Variants in NEMP2 observed in about 807,000 individuals in gnomAD.
NEMP2 encodes the protein UPF0571 transmembrane protein.
Under a neutral mutation model 54.2 loss-of-function variants are expected in NEMP2, and 53 were observed. The observed-to-expected ratio is 0.98, with a 90% CI of 0.78 to 1.23. The LOEUF is 1.23. NEMP2 is among the 50% of genes most tolerant of loss of function. NEMP2 has a pLI of 0.00. For synonymous variants in NEMP2, 197 were observed against 190.3 expected, an observed-to-expected ratio of 1.04 and a Z score of -0.29; for missense variants, 455 against 511.3, an observed-to-expected ratio of 0.89 and a Z score of 1.06.
chr2:190,476,984 C>T, the NEMP2 span, among the ~76,000 whole-genome samples: 1 of 139,218 alleles, frequency 7.2e-6, no homozygotes, highest in Non-Finnish European at 1.5e-5. Flanking sequence ...TGTTCTCACT[C>T]ATAGGTGGGA....
At chr2:190,455,610 T>G in the NEMP2 span, among the ~76,000 whole-genome samples, 2 of 152,164 alleles carry the variant, frequency 1.3e-5, no homozygotes, top group South Asian at 4.1e-4. Context: ...ATCCTTCCTG[T>G]TTCAGAAGAT....
the NEMP2 span, among the ~76,000 whole-genome samples, chr2:190,581,373 G>A: frequency 2.0e-5 from 3 of 152,090 alleles, no homozygotes; most frequent in East Asian, 5.8e-4. Flanking sequence ...TTCTTAAAAA[G>A]TAACTAAAAC....
chr2:190,438,926 G>A, the NEMP2 span, among the ~76,000 whole-genome samples: 3 of 152,026 alleles, frequency 2.0e-5, no homozygotes, highest in South Asian at 6.2e-4. This position sits in a 1 kb window ranked among gnomAD's most constrained non-coding sequence, Gnocchi z 5.2. Flanking sequence ...TTCGGGAGGT[G>A]GTGTTCTGTT....
the NEMP2 span, among the ~76,000 whole-genome samples, chr2:190,567,483 G>C: frequency 6.6e-5 from 10 of 152,222 alleles, no homozygotes; most frequent in African/African-American, 2.4e-4. The surrounding 1 kb of genome is among the most constrained non-coding windows in gnomAD (Gnocchi z 4.0). Flanking sequence ...AGATGTGTCA[G>C]ACCATTGGGA....
chr2:190,558,708 C>G, the NEMP2 span, among the ~76,000 whole-genome samples: 1 of 152,104 alleles, frequency 6.6e-6, no homozygotes, highest in African/African-American at 2.4e-5. The surrounding 1 kb of genome is among the most constrained non-coding windows in gnomAD (Gnocchi z 4.4). Flanking sequence ...TTTGAAGATT[C>G]TGCTAAACAT....
the NEMP2 span, among the ~76,000 whole-genome samples, chr2:190,558,600 A>G: frequency 6.6e-6 from 1 of 152,262 alleles, no homozygotes; most frequent in African/African-American, 2.4e-5. The surrounding 1 kb of genome is among the most constrained non-coding windows in gnomAD (Gnocchi z 4.4). Context: ...AGGTTTATCC[A>G]GTGGCTCTTA....
the NEMP2 span, among the ~76,000 whole-genome samples, chr2:190,618,084 A>G: frequency 6.6e-6 from 1 of 152,230 alleles, no homozygotes; most frequent in Non-Finnish European, 1.5e-5. Context: ...AACGTATTCT[A>G]TCTCATTACA....
the NEMP2 span, chr2:190,469,719 C>A: frequency 1.7e-6 from 2 of 1,178,888 alleles, no homozygotes; most frequent in African/African-American, 1.7e-5. The surrounding 1 kb of genome is among the most constrained non-coding windows in gnomAD (Gnocchi z 5.3). Context: ...TTTTCCTTTG[C>A]TTTTTTTTAT....
the NEMP2 span, among the ~76,000 whole-genome samples, chr2:190,467,802 T>C: frequency 3.3e-5 from 5 of 152,168 alleles, no homozygotes. This position sits in a 1 kb window ranked among gnomAD's most constrained non-coding sequence, Gnocchi z 5.5. Context: ...TTTTATGAAG[T>C]TTGCATTTCA....
the NEMP2 span, among the ~76,000 whole-genome samples, chr2:190,542,357 G>C: frequency 6.6e-6 from 1 of 152,064 alleles, no homozygotes; most frequent in African/African-American, 2.4e-5. The surrounding 1 kb of genome is among the most constrained non-coding windows in gnomAD (Gnocchi z 4.6). Flanking sequence ...GACTACAGGA[G>C]TGCACCACCA....
the NEMP2 span, among the ~76,000 whole-genome samples, chr2:190,559,649 G>T: frequency 2.0e-5 from 3 of 152,234 alleles, no homozygotes; most frequent in African/African-American, 7.2e-5. The surrounding 1 kb of genome is among the most constrained non-coding windows in gnomAD (Gnocchi z 4.0). Flanking sequence ...GGAAGGTCTG[G>T]TAAGACAAGG....
chr2:190,633,377 G>A, the NEMP2 span, among the ~76,000 whole-genome samples: 6 of 149,688 alleles, frequency 4.0e-5, no homozygotes, highest in South Asian at 2.1e-4. Flanking sequence ...GCAATGGCGC[G>A]ATCTTGGCTC....
Position 190,514,891 on chromosome 2 carries a change from C to T in NEMP2, c.728-213G>A, listed in dbSNP as rs1690498560. 6.6e-6 allele frequency among the ~76,000 whole-genome samples: 1 copy of T among 151,002 alleles called. No homozygotes were observed. The highest frequency in any genetic ancestry group is 1.5e-5 in the Non-Finnish European group (1 of 68,032). On this transcript the variant is annotated intron_variant, in intron 6 of 8. Coordinates refer to ENST00000409150, the MANE Select transcript of NEMP2 (RefSeq NM_001142645.2). This position sits in a 1 kb window ranked among gnomAD's most constrained non-coding sequence, Gnocchi z 5.7. ...CTTTCGCAATAATTTGGGATGTACA[C>T]TCATTATTATGATGATACATAAGTA...
At chr2:190,445,226 A>G in the NEMP2 span, among the ~76,000 whole-genome samples, 2 of 152,184 alleles carry the variant, frequency 1.3e-5, no homozygotes, top group Non-Finnish European at 2.9e-5. Flanking sequence ...GATGCAAAGC[A>G]CTCAGAATGG....
chr2:190,528,381 C>T lies in NEMP2; in HGVS notation c.98-3003G>A, dbSNP rs905132301. 6.6e-6 allele frequency among the ~76,000 whole-genome samples: 1 copy of T among 152,176 alleles called. No homozygotes were observed. Among genetic ancestry groups the T allele is most frequent in the Non-Finnish European group, 1.5e-5 (1 of 68,026 alleles). On this transcript the variant is annotated intron_variant, in intron 1 of 8. Transcript: ENST00000409150. The surrounding 1 kb of genome is among the most constrained non-coding windows in gnomAD (Gnocchi z 4.3). ...CACCTTGTCATGTTCTGCCTTTGCA[C>T]AGCCTCCTCGGGGGGGTCTCTAAGC...
chr2:190,531,765 T>G lies in NEMP2; in HGVS notation c.97+2794A>C, dbSNP rs1383937831. 6.6e-6 allele frequency among the ~76,000 whole-genome samples: 1 copy of G among 152,162 alleles called. No individual in the cohort carries two copies. The highest frequency in any genetic ancestry group is 1.5e-5 in the Non-Finnish European group (1 of 68,030). On this transcript the variant is annotated intron_variant, in intron 1 of 8. Coordinates refer to ENST00000409150, the MANE Select transcript of NEMP2 (RefSeq NM_001142645.2). The surrounding 1 kb of genome is among the most constrained non-coding windows in gnomAD (Gnocchi z 4.7). ...TGTCATTTATTAGTTTTCCTAAATG[T>G]AAGTATATGTTTAAGTTAAAGAGTT...
rs1366668016 is a variant in NEMP2, at chr2:190,504,758, G to A, written c.*4431C>T. ...GTAAACTTACATTTGAAAAAAGGTC[G>A]GATTTTTTTTGTTTCCTGAAAAGAT... is the stretch of plus-strand genomic sequence containing the variant. On this transcript the variant is annotated 3_prime_UTR_variant, in exon 9 of 9. Transcript: ENST00000409150. This position sits in a 1 kb window ranked among gnomAD's most constrained non-coding sequence, Gnocchi z 5.6. 1.3e-5 allele frequency: 2 copies of A among 151,968 alleles called. No homozygotes were observed. Among genetic ancestry groups the A allele is most frequent in the South Asian group, 2.1e-4 (1 of 4,808 alleles). The allele number at this position is 151,968 out of a possible 1,614,324, so 9.4% of individuals were successfully genotyped here.
At position 190,508,837 on chromosome 2, in the gene NEMP2, G is replaced by T. The variant is rs976509146; in HGVS notation, c.*352C>A. Reference sequence around the variant, plus strand: ...CAGAGTCTTCTGACACAGGTTCAGGGGATTAAGACCAGATTTAGTGCCCTG... The same window carrying T: ...CAGAGTCTTCTGACACAGGTTCAGGTGATTAAGACCAGATTTAGTGCCCTG... On this transcript the variant is annotated 3_prime_UTR_variant, in exon 9 of 9. Coordinates refer to ENST00000409150, the MANE Select transcript of NEMP2 (RefSeq NM_001142645.2). The surrounding 1 kb of genome is among the most constrained non-coding windows in gnomAD (Gnocchi z 4.3). 3 of 253,908 alleles carry T rather than the reference G, an allele frequency of 1.2e-5. No homozygotes were observed. The highest frequency in any genetic ancestry group is 2.3e-5 in the Non-Finnish European group (3 of 130,938). 15.7% of individuals were successfully genotyped at this position (253,908 alleles called of 1,614,324 possible). A position where few individuals can be genotyped will look rare whatever the true frequency, so the allele number is the denominator to read the frequency against.
chr2:190,449,074 G>T, the NEMP2 span, among the ~76,000 whole-genome samples: 4 of 152,234 alleles, frequency 2.6e-5, no homozygotes, highest in Middle Eastern at 6.8e-3. Context: ...TCTATATTTT[G>T]CCCTAAATGG....
Sources: gnomAD v4.1 joint callset for allele counts (sites outside exome capture counted in the v4.1 genomes callset) on GRCh38, gnomAD v4.1.1 for gene constraint, Gnocchi (gnomAD v3.1) non-coding constraint, MANE v1.5 for transcripts, NCBI Gene and HGNC (gene_info 2026-07-23, HGNC 2026-07-21) for gene names.